CHRNA7: variants seen among roughly 807,000 people sequenced by gnomAD.
CHRNA7 encodes cholinergic receptor nicotinic alpha 7 subunit.
CHRNA7 carries 17 observed loss-of-function variants against 48.0 expected under a neutral mutation model. That is an observed-to-expected ratio of 0.35 (90% CI 0.24 to 0.53). CHRNA7 has a LOEUF of 0.53. Among genes scored for constraint, CHRNA7 ranks in the 20% least tolerant of loss-of-function variants. The pLI, the probability that CHRNA7 is intolerant of heterozygous loss-of-function variation, is 0.92. For synonymous variants in CHRNA7, 75 were observed against 242.3 expected, an observed-to-expected ratio of 0.31 and a Z score of 6.41; for missense variants, 155 against 577.7, an observed-to-expected ratio of 0.27 and a Z score of 7.50.
intron 4 of CHRNA7, among the ~76,000 whole-genome samples, chr15:32,131,447 A>G (rs150872220): frequency 1.3e-5 from 2 of 151,942 alleles, no homozygotes; most frequent in East Asian, 3.9e-4. Flanking sequence ...TTCCTTTGCT[A>G]TCTCCACTCT....
chr15:32,087,582 A>G (rs1371399610), intron 2 of CHRNA7, among the ~76,000 whole-genome samples: 1 of 152,204 alleles, frequency 6.6e-6, no homozygotes, highest in African/African-American at 2.4e-5. Context: ...ATCTGTAAGT[A>G]TTTCTGTATG....
At position 32,052,197 on chromosome 15, in the gene CHRNA7, A is replaced by AT. The variant is rs34316175; in HGVS notation, c.195+21177dup. Among the ~76,000 whole-genome samples the AT allele has an allele frequency of 7.3e-4, 107 of 146,682 alleles. No individual in the cohort carries two copies. The South Asian group carries it at 0.02, about 27-fold the overall frequency. On this transcript the variant is annotated intron_variant, in intron 2 of 9. Transcript: ENST00000306901. ...TAGTATTCTGGTGCCCTTAAGCATG[A>AT]TTTTTTTTTTTTTTTTTCCCCAAGC...
chr15:32,147,162 G>A (rs940583534), intron 4 of CHRNA7, among the ~76,000 whole-genome samples: 1 of 152,152 alleles, frequency 6.6e-6, no homozygotes, highest in Admixed American at 6.5e-5. Flanking sequence ...CCAACTAGTG[G>A]CTAAAGAAAA....
chr15:32,066,635 G>T (rs2049971919), intron 2 of CHRNA7, among the ~76,000 whole-genome samples: 1 of 152,156 alleles, frequency 6.6e-6, no homozygotes, highest in Admixed American at 6.5e-5. Context: ...GAGACATGCA[G>T]TGAAAATTTA....
At chr15:32,140,865 C>T (rs1252091582) in intron 4 of CHRNA7, among the ~76,000 whole-genome samples, 1 of 152,050 alleles carries the variant, frequency 6.6e-6, no homozygotes, top group African/African-American at 2.4e-5. Flanking sequence ...CTCCCATTCT[C>T]TAGGTTGCCT....
chr15:32,117,237 T>G (rs951286635), intron 4 of CHRNA7, among the ~76,000 whole-genome samples: 1 of 152,142 alleles, frequency 6.6e-6, no homozygotes, highest in Non-Finnish European at 1.5e-5. Context: ...TGGGAGACTG[T>G]GTATAGCACA....
chr15:32,126,574 A>C (rs1481645858), intron 4 of CHRNA7, among the ~76,000 whole-genome samples: 2 of 152,142 alleles, frequency 1.3e-5, no homozygotes, highest in Admixed American at 6.5e-5. Context: ...CATTTTATAT[A>C]TCTTCCTTCA....
intron 2 of CHRNA7, among the ~76,000 whole-genome samples, chr15:32,076,865 T>G (rs2050143513): frequency 1.3e-5 from 2 of 152,192 alleles, no homozygotes; most frequent in Admixed American, 6.6e-5. Flanking sequence ...TAATGACCTG[T>G]ATCTACCATT....
At chr15:32,150,964 T>C (rs1187506551) in intron 4 of CHRNA7, among the ~76,000 whole-genome samples, 1 of 152,166 alleles carries the variant, frequency 6.6e-6, no homozygotes, top group Non-Finnish European at 1.5e-5. Flanking sequence ...GGATGTGTCC[T>C]TTCATGACAA....
chr15:32,066,460 T>G (rs552400160), intron 2 of CHRNA7, among the ~76,000 whole-genome samples: 11 of 152,282 alleles, frequency 7.2e-5, no homozygotes, highest in African/African-American at 2.6e-4. Flanking sequence ...TTTTGTATTT[T>G]TAGTAGAGAC....
intron 2 of CHRNA7, among the ~76,000 whole-genome samples, chr15:32,054,404 C>A (rs1363651320): frequency 7.2e-6 from 1 of 139,826 alleles, no homozygotes; most frequent in Non-Finnish European, 1.5e-5. Flanking sequence ...AAAGGTCTCT[C>A]GTAGAGAGAC....
At chr15:32,070,781 G>T (rs2050045708) in intron 2 of CHRNA7, among the ~76,000 whole-genome samples, 1 of 139,300 alleles carries the variant, frequency 7.2e-6, no homozygotes, top group African/African-American at 2.7e-5. Context: ...CTGCCTCGCG[G>T]ATTCACGCCA....
intron 2 of CHRNA7, among the ~76,000 whole-genome samples, chr15:32,047,585 G>C (rs938482321): frequency 6.6e-6 from 1 of 152,130 alleles, no homozygotes; most frequent in East Asian, 1.9e-4. Context: ...AGACAATGGG[G>C]TTTTCTAGAT....
At chr15:32,127,392 A>G (rs919129187) in intron 4 of CHRNA7, among the ~76,000 whole-genome samples, 2 of 152,184 alleles carry the variant, frequency 1.3e-5, no homozygotes, top group African/African-American at 4.8e-5. Flanking sequence ...AGAAACTGCC[A>G]TACTCTTTTC....
At chr15:32,146,003 C>T (rs1239250030) in intron 4 of CHRNA7, among the ~76,000 whole-genome samples, 3 of 152,200 alleles carry the variant, frequency 2.0e-5, no homozygotes, top group Non-Finnish European at 2.9e-5. Context: ...GCGTTGATCT[C>T]GTTTGGAGCT....
At chr15:32,131,587 A>G (rs2051158162) in intron 4 of CHRNA7, among the ~76,000 whole-genome samples, 1 of 152,112 alleles carries the variant, frequency 6.6e-6, no homozygotes, top group African/African-American at 2.4e-5. Context: ...GGTTTCAAAC[A>G]TGTTCTTAAT....
chr15:32,039,122 A>G (rs901647097), intron 2 of CHRNA7, among the ~76,000 whole-genome samples: 20 of 151,920 alleles, frequency 1.3e-4, no homozygotes, highest in African/African-American at 4.6e-4. Context: ...TCTACTTCTG[A>G]TATTAGTTAT....
intron 3 of CHRNA7, chr15:32,103,085 G>T (rs766213242): frequency 6.6e-6 from 1 of 152,188 alleles, no homozygotes; most frequent in Non-Finnish European, 1.5e-5. Flanking sequence ...AGAGAAATGT[G>T]CCCTTCTTTA....
At chr15:32,071,825 C>A (rs2050063051) in intron 2 of CHRNA7, among the ~76,000 whole-genome samples, 1 of 46,444 alleles carries the variant, frequency 2.2e-5, no homozygotes, top group Non-Finnish European at 8.6e-5. Context: ...CCAAATAAGC[C>A]TCTTTTTTTT....
Sources: gnomAD v4.1 joint callset for allele counts (sites outside exome capture counted in the v4.1 genomes callset) on GRCh38, gnomAD v4.1.1 for gene constraint, MANE v1.5 for transcripts, NCBI Gene and HGNC (gene_info 2026-07-23, HGNC 2026-07-21) for gene names.